The following AGAP1 variants were observed in gnomAD, a reference collection of about 807,000 sequenced individuals.
The protein encoded by AGAP1 is arf-GAP with GTPase, ANK repeat and PH domain-containing protein 1.
A neutral mutation model predicts 105.3 loss-of-function variants in AGAP1; 29 were observed. The observed-to-expected ratio is 0.28, with a 90% confidence interval of 0.21 to 0.38. The LOEUF is 0.38. Ranked by LOEUF, AGAP1 falls within the 10% of genes least tolerant of loss-of-function variation. The probability of loss-of-function intolerance (pLI) is 1.00; values close to 1 mark genes in which losing one functional copy is unlikely to be tolerated. For missense variants in AGAP1, 998 were observed against 1,165.1 expected, an observed-to-expected ratio of 0.86 and a Z score of 2.09; for synonymous variants, 509 against 485.9, an observed-to-expected ratio of 1.05 and a Z score of -0.63.
rs2054321851 is a variant in AGAP1, at chr2:235,964,756, A to C, written c.1484-3706A>C. ...ATACATATAAGAACCACTACTTTAG[A>C]AATATCAGTATTGTAAAATCATGGG... On this transcript the variant is annotated intron_variant, in intron 12 of 17. Coordinates refer to ENST00000304032, the MANE Select transcript of AGAP1 (RefSeq NM_001037131.3). The surrounding 1 kb of genome is among the most constrained non-coding windows in gnomAD (Gnocchi z 4.6). 6.6e-6 allele frequency among the ~76,000 whole-genome samples: 1 copy of C among 152,206 alleles called. No homozygotes were observed. Among genetic ancestry groups the C allele is most frequent in the Non-Finnish European group, 1.5e-5 (1 of 68,044 alleles).
chr2:235,938,926 G>A (rs568963019), intron 12 of AGAP1, among the ~76,000 whole-genome samples: 6 of 152,264 alleles, frequency 3.9e-5, no homozygotes, highest in South Asian at 4.1e-4. Flanking sequence ...GGGGCCAGCC[G>A]CTAGAGATCT....
At chr2:235,925,419 C>T (rs1208773899) in intron 11 of AGAP1, among the ~76,000 whole-genome samples, 2 of 152,252 alleles carry the variant, frequency 1.3e-5, no homozygotes, top group Non-Finnish European at 2.9e-5. Flanking sequence ...GAGGTGGTCC[C>T]TGATGGAGAC....
chr2:235,584,269 A>G (rs1382282920), intron 1 of AGAP1, among the ~76,000 whole-genome samples: 13 of 149,706 alleles, frequency 8.7e-5, no homozygotes, highest in Non-Finnish European at 1.5e-5. Flanking sequence ...CCTGTCATTG[A>G]ACGTAATAAT....
intron 1 of AGAP1, among the ~76,000 whole-genome samples, chr2:235,581,689 C>T (rs1188181008): frequency 6.6e-6 from 1 of 151,754 alleles, no homozygotes; most frequent in Non-Finnish European, 1.5e-5. Flanking sequence ...GCCTGTAATC[C>T]CAGCTACTCA....
chr2:235,910,912 C>G (rs1362953959), intron 11 of AGAP1, among the ~76,000 whole-genome samples: 1 of 150,456 alleles, frequency 6.6e-6, no homozygotes, highest in Non-Finnish European at 1.5e-5. Flanking sequence ...GAGACTCCGT[C>G]TCAAAAAAAA....
intron 1 of AGAP1, among the ~76,000 whole-genome samples, chr2:235,522,636 C>CG (rs1026386141): frequency 4.0e-5 from 6 of 151,778 alleles, no homozygotes; most frequent in African/African-American, 1.5e-4. Flanking sequence ...ATTGCAGGGA[C>CG]GGGGTGATGC....
At chr2:235,868,345 G>A (rs2049280378) in intron 9 of AGAP1, among the ~76,000 whole-genome samples, 2 of 152,226 alleles carry the variant, frequency 1.3e-5, no homozygotes, top group East Asian at 1.9e-4. Flanking sequence ...GAAATCACAC[G>A]TGCACCGTCC....
rs1951997056 is a variant in AGAP1 at position 235,732,301 on chromosome 2, CCT to C, written c.311-8659_311-8658del. On this transcript the variant is annotated intron_variant, in intron 3 of 17. Transcript: ENST00000304032. The surrounding 1 kb of genome is among the most constrained non-coding windows in gnomAD (Gnocchi z 4.8). ...TTGACTGTGTCTGTTTCAAGCCATT[CCT>C]CTGTGTCAGAAACTCAGCTTTCAGC... is the stretch of plus-strand genomic sequence containing the variant. Among the ~76,000 whole-genome samples, 1 of 152,196 alleles carries C rather than the reference CCT, an allele frequency of 6.6e-6. No homozygotes were observed. Among genetic ancestry groups the C allele is most frequent in the African/African-American group, 2.4e-5 (1 of 41,444 alleles).
In AGAP1 at chr2:235,930,707, C is replaced by A; in HGVS notation, c.1325-58C>A. ...CGTGTGGGTCCCATAGACTAACTCGCGCTGGTTTCTGTGGTCTGCAGTCCG... is the reference window on the plus strand; with the variant it reads ...CGTGTGGGTCCCATAGACTAACTCGAGCTGGTTTCTGTGGTCTGCAGTCCG... On this transcript the variant is annotated intron_variant, in intron 11 of 17. Transcript: ENST00000304032. The surrounding 1 kb of genome is among the most constrained non-coding windows in gnomAD (Gnocchi z 7.9). 6.4e-7 allele frequency: 1 copy of A among 1,555,432 alleles called. No homozygotes were observed. Among genetic ancestry groups the A allele is most frequent in the South Asian group, 1.2e-5 (1 of 83,080 alleles).
rs1946595054 is a variant in AGAP1 at position 235,625,028 on chromosome 2, A to C, written c.164-84151A>C. Among the ~76,000 whole-genome samples the C allele has an allele frequency of 1.3e-5, 2 of 152,180 alleles. No homozygotes were observed. Among genetic ancestry groups the C allele is most frequent in the South Asian group, 2.1e-4 (1 of 4,826 alleles). On this transcript the variant is annotated intron_variant, in intron 1 of 17. Coordinates refer to ENST00000304032, the MANE Select transcript of AGAP1 (RefSeq NM_001037131.3). The surrounding 1 kb of genome is among the most constrained non-coding windows in gnomAD (Gnocchi z 4.0). The stretch of plus-strand genomic sequence containing the variant: ...GCCATGCTTTCTATACACTCTGCAG[A>C]ACCGTGTGCCAATTAAACTTCTTTT...
rs1191032932 is a variant in AGAP1 at position 236,104,749 on chromosome 2, C to A, written c.2115-15443C>A. 6.6e-6 allele frequency among the ~76,000 whole-genome samples: 1 copy of A among 152,138 alleles called. No homozygotes were observed. Among genetic ancestry groups the A allele is most frequent in the Non-Finnish European group, 1.5e-5 (1 of 68,018 alleles). ...ACCAAAAATACAAAAATTAGCTGGG[C>A]ATGGTGATGCGTGCCTGTAATCCCA... On this transcript the variant is annotated intron_variant, in intron 16 of 17. Transcript: ENST00000304032. This position sits in a 1 kb window ranked among gnomAD's most constrained non-coding sequence, Gnocchi z 4.7.
At position 235,612,709 on chromosome 2, in the gene AGAP1, G is replaced by A. The variant is rs1946171940; in HGVS notation, c.164-96470G>A. ...GTTGCTTGGGCACAGTGGTCCTTTT[G>A]CATGGGGTGGCCGGCCAGGTGTGCT... On this transcript the variant is annotated intron_variant, in intron 1 of 17. Transcript: ENST00000304032. The surrounding 1 kb of genome is among the most constrained non-coding windows in gnomAD (Gnocchi z 4.3). 1.3e-5 allele frequency among the ~76,000 whole-genome samples: 2 copies of A among 150,692 alleles called. No homozygotes were observed. Among genetic ancestry groups the A allele is most frequent in the Admixed American group, 1.3e-4 (2 of 15,106 alleles).
intron 12 of AGAP1, among the ~76,000 whole-genome samples, chr2:235,949,652 C>T (rs1259529407): frequency 6.6e-6 from 1 of 152,302 alleles, no homozygotes; most frequent in African/African-American, 2.4e-5. Context: ...AGCTTATGAG[C>T]GCCATGCTCT....
rs2049699201 is a variant in AGAP1, at chr2:235,875,806, T to A, written c.1051-7539T>A. On this transcript the variant is annotated intron_variant, in intron 9 of 17. Transcript: ENST00000304032. The surrounding 1 kb of genome is among the most constrained non-coding windows in gnomAD (Gnocchi z 4.0). ...GATTTTGATGGCTGTTTATCCGGAC[T>A]AATCAGACAAAAACATCTTCCAAAA... Among the ~76,000 whole-genome samples the A allele has an allele frequency of 6.6e-6, 1 of 152,232 alleles. No homozygotes were observed. Among genetic ancestry groups the A allele is most frequent in the South Asian group, 2.1e-4 (1 of 4,830 alleles).
Position 235,569,548 on chromosome 2 carries a change from C to T in AGAP1, c.163+74699C>T, listed in dbSNP as rs4560062. On this transcript the variant is annotated intron_variant, in intron 1 of 17. Transcript: ENST00000304032. This position sits in a 1 kb window ranked among gnomAD's most constrained non-coding sequence, Gnocchi z 5.9. Reference sequence around the variant, plus strand: ...CTCTTGTACCTCTGAGCCCCGAATTCTGCCCTCTGCCCATGTGAGCATGGT... The same window carrying T: ...CTCTTGTACCTCTGAGCCCCGAATTTTGCCCTCTGCCCATGTGAGCATGGT... 0.039 allele frequency among the ~76,000 whole-genome samples: 5,877 copies of T among 152,286 alleles called. 151 individuals are homozygous for T. The highest frequency in any genetic ancestry group is 0.062 in the Non-Finnish European group (4,234 of 68,018).
At chr2:235,974,005 G>A (rs2054759685) in intron 13 of AGAP1, among the ~76,000 whole-genome samples, 2 of 152,208 alleles carry the variant, frequency 1.3e-5, no homozygotes, top group East Asian at 1.9e-4. Flanking sequence ...GGGTCCAGTA[G>A]TGAGGTTGTC....
At chr2:235,941,853 G>GA (rs544085033) in intron 12 of AGAP1, among the ~76,000 whole-genome samples, 7 of 151,866 alleles carry the variant, frequency 4.6e-5, no homozygotes, top group South Asian at 2.1e-4. Flanking sequence ...TGTTGTTGGG[G>GA]GGGTAAGAAG....
Position 236,003,283 on chromosome 2 carries a change from G to T in AGAP1, c.1646-33278G>T, listed in dbSNP as rs1471660819. On this transcript the variant is annotated intron_variant, in intron 13 of 17. Transcript: ENST00000304032. This position sits in a 1 kb window ranked among gnomAD's most constrained non-coding sequence, Gnocchi z 4.2. ...TGGTCTCGAACTCCTGGCCTCAGGT[G>T]ATCTGCCTGCCTCAGCCTCCCAGAG... 6.6e-6 allele frequency among the ~76,000 whole-genome samples: 1 copy of T among 152,128 alleles called. No homozygotes were observed. The highest frequency in any genetic ancestry group is 1.9e-4 in the East Asian group (1 of 5,196).
In AGAP1 at chr2:236,010,602, C is replaced by T. The variant is rs995867287; in HGVS notation, c.1646-25959C>T. ...AAAGTCCATACATAGCCAGTGTAGA[C>T]ATCAGCACACTTTGTCCACGTTAGG... is the stretch of plus-strand genomic sequence containing the variant. On this transcript the variant is annotated intron_variant, in intron 13 of 17. Transcript: ENST00000304032. 5.9e-5 allele frequency among the ~76,000 whole-genome samples: 9 copies of T among 152,306 alleles called. 1 individual carries two copies. Among genetic ancestry groups the T allele is most frequent in the Admixed American group, 5.2e-4 (8 of 15,298 alleles).
Sources: gnomAD v4.1 joint callset for allele counts (sites outside exome capture counted in the v4.1 genomes callset) on GRCh38, gnomAD v4.1.1 for gene constraint, Gnocchi (gnomAD v3.1) non-coding constraint, MANE v1.5 for transcripts, NCBI Gene and HGNC (gene_info 2026-07-23, HGNC 2026-07-21) for gene names.